The following COL4A4 variants were observed in gnomAD, a reference collection of about 807,000 sequenced individuals.
The protein encoded by COL4A4 is collagen alpha-4(IV) chain.
COL4A4 carries 105 observed loss-of-function variants against 192.9 expected under a neutral mutation model. The ratio of observed to expected loss-of-function variants is 0.54; its 90% confidence interval spans 0.46 to 0.64. The LOEUF is 0.64. COL4A4 is among the 30% of genes least tolerant of loss of function. COL4A4 has a pLI of 0.00. For missense variants in COL4A4, 1,967 were observed against 2,169.3 expected (o/e 0.91, Z 1.85); for synonymous variants, 762 against 769.9 (o/e 0.99, Z 0.17).
Position 227,049,225 on chromosome 2 carries a change from CTT to C in COL4A4, c.3214+841_3214+842del, listed in dbSNP as rs139871825. On this transcript the variant is annotated intron_variant, in intron 34 of 47. Transcript: ENST00000396625. ...AACATTGCAACTAAGATATCCTGCT[CTT>C]TGTTTGTTTACTTGTTTGTCTGAAT... 5.9e-3 allele frequency among the ~76,000 whole-genome samples: 894 copies of C among 152,296 alleles called. 10 individuals carry two copies. The highest frequency in any genetic ancestry group is 0.02 in the African/African-American group (841 of 41,560).
chr2:227,055,962 C>G lies in COL4A4; in HGVS notation c.2699G>C (p.Gly900Ala), dbSNP rs1296045337. ...PGPFGDDGLP[G>A]PPGPKGPRGL... is the part of the protein sequence containing the mutation. ...CTACCTACCCTTTGGACCTGGAGGA[C>G]CAGGTAGCCCATCATCTCCAAAGGG... Residue 900 changes from glycine to alanine, a missense_variant, in exon 30 of 48, where the codon GGT (glycine) becomes GCT (alanine). Transcript: ENST00000396625. The G allele has an allele frequency of 6.2e-7, 1 of 1,613,796 alleles. No homozygotes were observed. Among genetic ancestry groups the G allele is most frequent in the Non-Finnish European group, 8.5e-7 (1 of 1,179,948 alleles).
intron 3 of COL4A4, among the ~76,000 whole-genome samples, chr2:227,140,874 A>G (rs990206816): frequency 5.6e-5 from 6 of 108,078 alleles, no homozygotes; most frequent in African/African-American, 2.3e-4. Flanking sequence ...TCTTTAGAGC[A>G]TCACACACAC....
intron 45 of COL4A4, 115 bp downstream of exon 45, chr2:227,012,065 TA>T: frequency 1.2e-6 from 1 of 826,778 alleles, no homozygotes. Context: ...AGTCAGCATC[TA>T]AGGCAAATGA....
At chr2:227,116,836 C>A (rs527920398) in intron 7 of COL4A4, among the ~76,000 whole-genome samples, 1 of 151,144 alleles carries the variant, frequency 6.6e-6, no homozygotes, top group Non-Finnish European at 1.5e-5. Flanking sequence ...GAAACAGATC[C>A]GAACTTAGGA....
At position 227,121,327 on chromosome 2, in the gene COL4A4, C is replaced by A. The variant is rs559300840; in HGVS notation, c.193-179G>T. Among the ~76,000 whole-genome samples the A allele has an allele frequency of 4.5e-4, 69 of 152,074 alleles. 1 individual carries two copies. The highest frequency in any genetic ancestry group is 1.6e-3 in the African/African-American group (67 of 41,506). On this transcript the variant is annotated intron_variant, in intron 4 of 47. Transcript: ENST00000396625. ...CTGTAATCCCAGCACTTTGGGAGGC[C>A]GAGACAACGAGGTTCACTCGAGCTC...
chr2:227,036,063 A>G (rs545809847), intron 37 of COL4A4, among the ~76,000 whole-genome samples: 42 of 152,348 alleles, frequency 2.8e-4, no homozygotes, highest in African/African-American at 1.0e-3. Context: ...TAAAATATAT[A>G]CAGTGCAGAT....
At chr2:227,122,080 A>G (rs899767933) in intron 4 of COL4A4, among the ~76,000 whole-genome samples, 4 of 152,216 alleles carry the variant, frequency 2.6e-5, no homozygotes, top group Non-Finnish European at 5.9e-5. Flanking sequence ...CCAACTTTCC[A>G]TGAATGAAAA....
chr2:227,161,523 C>G (rs115706836), intron 1 of COL4A4, among the ~76,000 whole-genome samples: 1 of 152,132 alleles, frequency 6.6e-6, no homozygotes, highest in Non-Finnish European at 1.5e-5. Flanking sequence ...AACAATCAAG[C>G]CTTCCAGTTA....
intron 6 of COL4A4, 84 bp from the exon 7 acceptor site, chr2:227,118,845 G>T: frequency 1.1e-6 from 1 of 874,230 alleles, no homozygotes; most frequent in East Asian, 2.4e-5. Flanking sequence ...CTCAAATTAT[G>T]GCAATTGTGA....
Position 227,008,744 on chromosome 2 carries a change from T to G in COL4A4, c.4523-440A>C, listed in dbSNP as rs76832718. ...TAGCCAGGCTTGGAGATGGTGGTAG[T>G]GACTACTCAAAAGAGATATACCGTC... is the stretch of plus-strand genomic sequence containing the variant. On this transcript the variant is annotated intron_variant, in intron 46 of 47. Transcript: ENST00000396625. 1.6e-3 allele frequency among the ~76,000 whole-genome samples: 247 copies of G among 152,306 alleles called. 5 individuals are homozygous for G. The East Asian group carries it at 0.045, about 28-fold the overall frequency.
chr2:227,126,115 T>G (rs2062071090), intron 4 of COL4A4, among the ~76,000 whole-genome samples: 1 of 152,134 alleles, frequency 6.6e-6, no homozygotes, highest in Admixed American at 6.6e-5. Context: ...ATTAAAAATT[T>G]TAAAATACAG....
chr2:227,155,133 C>T (rs1444900700), intron 1 of COL4A4, among the ~76,000 whole-genome samples: 1 of 152,184 alleles, frequency 6.6e-6, no homozygotes, highest in Non-Finnish European at 1.5e-5. Context: ...GAGAATGACT[C>T]GGAGTTCCAA....
At chr2:227,037,910 C>T (rs1007141517) in intron 37 of COL4A4, among the ~76,000 whole-genome samples, 2 of 152,088 alleles carry the variant, frequency 1.3e-5, no homozygotes, top group Non-Finnish European at 2.9e-5. Context: ...CTGTTTATAT[C>T]CTTCGCCCAC....
intron 34 of COL4A4, among the ~76,000 whole-genome samples, chr2:227,049,708 G>A (rs940717538): frequency 5.9e-5 from 9 of 152,222 alleles, no homozygotes; most frequent in African/African-American, 1.9e-4. Context: ...ACTGGCTCCT[G>A]CGGGACATAG....
At chr2:226,974,578 T>A in the COL4A4 span, among the ~76,000 whole-genome samples, 1 of 152,214 alleles carries the variant, frequency 6.6e-6, no homozygotes, top group Non-Finnish European at 1.5e-5. Context: ...AGGTATTAAC[T>A]TCTTTAGAGT....
chr2:227,065,620 C>A (rs2150341687), intron 25 of COL4A4, among the ~76,000 whole-genome samples: 1 of 152,324 alleles, frequency 6.6e-6, no homozygotes, highest in East Asian at 1.9e-4. Context: ...CAGGGGCAGA[C>A]TGACACCTCA....
chr2:227,159,629 C>T (rs146045157), intron 1 of COL4A4, among the ~76,000 whole-genome samples: 4,479 of 152,236 alleles, frequency 0.029, 98 homozygotes, highest in Middle Eastern at 0.061. Context: ...GGGTGGTTTC[C>T]CACATGCTAT....
At chr2:227,008,446 A>C in intron 46 of COL4A4, 142 bp from the exon 47 acceptor site, 1 of 977,928 alleles carries the variant, frequency 1.0e-6, no homozygotes, top group South Asian at 1.5e-5. Context: ...GTGGTGAGGA[A>C]GCCATTTCTG....
chr2:227,153,088 A>G (rs568213584), intron 1 of COL4A4, among the ~76,000 whole-genome samples: 3 of 152,312 alleles, frequency 2.0e-5, no homozygotes, highest in African/African-American at 7.2e-5. Context: ...GCCAAGCGAA[A>G]AGGAAAATCC....
Sources: allele counts gnomAD v4.1 joint callset (sites outside exome capture counted in the v4.1 genomes callset), GRCh38; gene constraint gnomAD v4.1.1; transcripts MANE v1.5; gene names NCBI Gene and HGNC (gene_info 2026-07-23, HGNC 2026-07-21).